Variants in TBXAS1 observed in about 807,000 individuals in gnomAD.
The protein encoded by TBXAS1 is thromboxane-A synthase.
In TBXAS1, 48 loss-of-function variants were observed where a neutral mutation model predicts 60.7. The ratio of observed to expected loss-of-function variants is 0.79; its 90% CI spans 0.63 to 1.01. The LOEUF (loss-of-function observed/expected upper bound fraction) is 1.01, where lower values mean the gene tolerates loss of function less well. Among genes scored for constraint, TBXAS1 ranks in the 50% least tolerant of loss-of-function variants. The pLI is 0.00. For missense variants in TBXAS1, 685 were observed against 686.3 expected, an observed-to-expected ratio of 1.00 and a Z score of 0.02; for synonymous variants, 287 against 269.7, an observed-to-expected ratio of 1.06 and a Z score of -0.63.
chr7:139,865,891 A>G (rs1801383091), intron 1 of TBXAS1, among the ~76,000 whole-genome samples: 2 of 125,422 alleles, frequency 1.6e-5, no homozygotes, highest in Non-Finnish European at 1.7e-5. Context: ...GGGAAGGAGG[A>G]AGGAGGGAGG....
intron 1 of TBXAS1, among the ~76,000 whole-genome samples, chr7:139,837,883 C>T (rs1799172624): frequency 6.6e-6 from 1 of 152,202 alleles, no homozygotes; most frequent in Non-Finnish European, 1.5e-5. Flanking sequence ...GTGCTCTCAA[C>T]CAGCCTGTGA....
intron 3 of TBXAS1, among the ~76,000 whole-genome samples, chr7:139,907,139 C>T (rs1323327514): frequency 6.6e-6 from 1 of 152,128 alleles, no homozygotes; most frequent in Non-Finnish European, 1.5e-5. Context: ...AGCATTCAGT[C>T]TTTCACATTA....
chr7:140,007,205 G>A (rs1309437168), intron 10 of TBXAS1, 23 bp downstream of exon 10: 1 of 1,610,868 alleles, frequency 6.2e-7, no homozygotes, highest in South Asian at 1.1e-5. Flanking sequence ...CCCCTCCCCT[G>A]CCCGAGTCCC....
At chr7:139,857,094 A>T (rs1296246699) in intron 1 of TBXAS1, among the ~76,000 whole-genome samples, 1 of 152,130 alleles carries the variant, frequency 6.6e-6, no homozygotes, top group African/African-American at 2.4e-5. Flanking sequence ...CCATTCAGTC[A>T]GTTGGGGGCT....
chr7:139,990,443 G>A (rs1384088289), intron 9 of TBXAS1, among the ~76,000 whole-genome samples: 1 of 152,168 alleles, frequency 6.6e-6, no homozygotes, highest in African/African-American at 2.4e-5. Flanking sequence ...TGGAGTTCAG[G>A]GATCCAGCTT....
intron 5 of TBXAS1, among the ~76,000 whole-genome samples, chr7:139,937,906 T>C (rs1019648328): frequency 2.0e-5 from 2 of 102,096 alleles, no homozygotes; most frequent in African/African-American, 3.7e-5. Context: ...GTGTAGCAAA[T>C]GGGGCCTCGG....
intron 4 of TBXAS1, among the ~76,000 whole-genome samples, chr7:139,813,647 T>A (rs892615439): frequency 2.0e-5 from 3 of 152,230 alleles, no homozygotes; most frequent in Admixed American, 2.0e-4. Context: ...TCTGTAATCA[T>A]CATCAAATCC....
intron 3 of TBXAS1, among the ~76,000 whole-genome samples, chr7:139,785,317 C>G (rs1797155088): frequency 6.6e-6 from 1 of 152,062 alleles, no homozygotes; most frequent in Non-Finnish European, 1.5e-5. Flanking sequence ...GACATAGTCT[C>G]ATTAGCTCTT....
intron 9 of TBXAS1, among the ~76,000 whole-genome samples, chr7:139,973,489 G>C (rs1018378062): frequency 6.6e-6 from 1 of 151,858 alleles, no homozygotes; most frequent in African/African-American, 2.4e-5. Flanking sequence ...TTTAACCCTA[G>C]GTTTTCCAGA....
chr7:139,876,796 G>C (rs1179908435), intron 3 of TBXAS1, among the ~76,000 whole-genome samples: 3 of 152,162 alleles, frequency 2.0e-5, no homozygotes, highest in Non-Finnish European at 2.9e-5. Flanking sequence ...AGTGACATAA[G>C]CAACAATTTA....
intron 5 of TBXAS1, among the ~76,000 whole-genome samples, chr7:139,949,613 C>T (rs966327281): frequency 2.0e-5 from 3 of 152,098 alleles, no homozygotes; most frequent in Admixed American, 6.5e-5. Context: ...ATTATTAAAT[C>T]GATGGTTTGT....
chr7:139,812,325 T>G (rs1025310516), intron 4 of TBXAS1, among the ~76,000 whole-genome samples: 1 of 152,184 alleles, frequency 6.6e-6, no homozygotes, highest in Non-Finnish European at 1.5e-5. Flanking sequence ...AACTCCTCGG[T>G]GACAGATGAA....
At chr7:139,930,964 G>T (rs1807278249) in intron 4 of TBXAS1, among the ~76,000 whole-genome samples, 1 of 152,074 alleles carries the variant, frequency 6.6e-6, no homozygotes, top group African/African-American at 2.4e-5. Flanking sequence ...TAGGTTTGGG[G>T]TTTGGGTTAG....
chr7:139,870,163 G>A (rs58206741), intron 1 of TBXAS1, among the ~76,000 whole-genome samples: 10,140 of 152,270 alleles, frequency 0.067, 958 homozygotes, highest in African/African-American at 0.21. Flanking sequence ...CTGATGCCAT[G>A]TGTTTGAAAA....
intron 5 of TBXAS1, chr7:139,952,738 A>G: frequency 6.8e-7 from 1 of 1,473,948 alleles, no homozygotes. Context: ...TAAAAAAAAG[A>G]AACCCAACAA....
chr7:140,004,616 G>A lies in TBXAS1; in HGVS notation c.1135-2475G>A, dbSNP rs1285826767. 2.6e-5 allele frequency among the ~76,000 whole-genome samples: 4 copies of A among 152,190 alleles called. No individual in the cohort carries two copies. Among genetic ancestry groups the A allele is most frequent in the Admixed American group, 6.5e-5 (1 of 15,278 alleles). On this transcript the variant is annotated intron_variant, in intron 9 of 12. Coordinates refer to ENST00000448866, the MANE Select transcript of TBXAS1 (RefSeq NM_001061.7). This position sits in a 1 kb window ranked among gnomAD's most constrained non-coding sequence, Gnocchi z 5.1. ...TCTTTCAGGCCTGGACATACTGGAT[G>A]AGCGGGGGGAGTCCAGACCCTTCCA...
At chr7:139,986,482 G>T (rs1812466790) in intron 9 of TBXAS1, among the ~76,000 whole-genome samples, 1 of 151,836 alleles carries the variant, frequency 6.6e-6, no homozygotes, top group Admixed American at 6.6e-5. Context: ...AGTATATAAT[G>T]AACCCAATTT....
chr7:139,875,453 C>T (rs1802156024), intron 2 of TBXAS1, 132 bp from the exon 3 acceptor site: 1 of 792,002 alleles, frequency 1.3e-6, no homozygotes, highest in South Asian at 1.6e-5. Context: ...TACCTGAAAG[C>T]AATATAACTT....
At chr7:139,813,262 C>T (rs1798066681) in intron 4 of TBXAS1, among the ~76,000 whole-genome samples, 1 of 152,138 alleles carries the variant, frequency 6.6e-6, no homozygotes, top group Non-Finnish European at 1.5e-5. Context: ...TTCGGCCTTT[C>T]AGAGACCTTC....
Sources: gnomAD v4.1 joint callset for allele counts (sites outside exome capture counted in the v4.1 genomes callset) on GRCh38, gnomAD v4.1.1 for gene constraint, Gnocchi (gnomAD v3.1) non-coding constraint, MANE v1.5 for transcripts, NCBI Gene and HGNC (gene_info 2026-07-23, HGNC 2026-07-21) for gene names.